ZNF654: variants seen among roughly 807,000 people sequenced by gnomAD.
ZNF654 encodes the protein zinc finger protein 654.
A neutral mutation model predicts 95.3 loss-of-function variants in ZNF654; 19 were observed. That is an observed-to-expected ratio of 0.20 (90% CI 0.14 to 0.29). The LOEUF (loss-of-function observed/expected upper bound fraction) is 0.29. Ranked by LOEUF, ZNF654 falls within the 10% of genes least tolerant of loss-of-function variation. ZNF654 has a pLI of 1.00. For synonymous variants in ZNF654, 413 were observed against 457.9 expected (o/e 0.90, Z 1.25); for missense variants, 1,046 against 1,341.0 (o/e 0.78, Z 3.44).
At chr3:88,092,084 C>T (rs1703773601) in intron 2 of ZNF654, among the ~76,000 whole-genome samples, 3 of 152,092 alleles carry the variant, frequency 2.0e-5, no homozygotes, top group Admixed American at 2.0e-4. Context: ...AGAAGGAAAA[C>T]TTTTTGCATT....
chr3:88,098,270 G>C (rs1051143364), intron 2 of ZNF654, among the ~76,000 whole-genome samples: 4 of 152,094 alleles, frequency 2.6e-5, no homozygotes, highest in South Asian at 2.1e-4. Context: ...ACCCTCCAAA[G>C]ACTAAACCAG....
At chr3:88,107,600 A>T (rs1241783690) in intron 2 of ZNF654, among the ~76,000 whole-genome samples, 2 of 152,076 alleles carry the variant, frequency 1.3e-5, no homozygotes, top group Admixed American at 1.3e-4. Context: ...TTTCCCTTTT[A>T]GAACTATGAT....
intron 3 of ZNF654, among the ~76,000 whole-genome samples, chr3:88,114,743 C>G (rs1705288471): frequency 6.6e-6 from 1 of 152,094 alleles, no homozygotes; most frequent in Non-Finnish European, 1.5e-5. Context: ...ATTTGCTGAC[C>G]TGAGCTTATG....
chr3:88,116,302 C>T (rs542288110), intron 3 of ZNF654, among the ~76,000 whole-genome samples: 1 of 152,094 alleles, frequency 6.6e-6, no homozygotes, highest in South Asian at 2.1e-4. Context: ...GGGCAGATCA[C>T]CTGAGGGTGG....
At chr3:88,072,602 T>C in intron 1 of ZNF654, among the ~76,000 whole-genome samples, 1 of 152,188 alleles carries the variant, frequency 6.6e-6, no homozygotes, top group Middle Eastern at 3.2e-3. Context: ...TAGACTCTTA[T>C]TAGAGAGATA....
At chr3:88,084,211 A>G (rs1290005723) in intron 1 of ZNF654, among the ~76,000 whole-genome samples, 7 of 152,190 alleles carry the variant, frequency 4.6e-5, no homozygotes, top group African/African-American at 1.7e-4. Context: ...AGGAAGCTAT[A>G]ATGAGAACAG....
At chr3:88,129,101 T>C (rs1287344701) in intron 5 of ZNF654, 90 bp downstream of exon 5, 19 of 936,848 alleles carry the variant, frequency 2.0e-5, no homozygotes, top group Non-Finnish European at 2.9e-5. Flanking sequence ...TGTTGTTAAA[T>C]TCCTTTTACA....
At chr3:88,095,397 A>C (rs1703998120) in intron 2 of ZNF654, 1 of 331,462 alleles carries the variant, frequency 3.0e-6, no homozygotes, top group Non-Finnish European at 5.7e-6. Context: ...AGTGACAGGG[A>C]TCACCCCCTT....
intron 1 of ZNF654, among the ~76,000 whole-genome samples, chr3:88,084,635 C>T (rs1026120382): frequency 1.3e-5 from 2 of 152,176 alleles, no homozygotes; most frequent in Non-Finnish European, 2.9e-5. Context: ...GTACCTGGTA[C>T]TGCCATTTGG....
chr3:88,092,398 G>A (rs973287535), intron 2 of ZNF654, among the ~76,000 whole-genome samples: 32 of 152,110 alleles, frequency 2.1e-4, no homozygotes, highest in African/African-American at 7.7e-4. Flanking sequence ...TTATATAATT[G>A]TAGTTAGGAG....
At chr3:88,132,394 C>G (rs966755183) in intron 6 of ZNF654, among the ~76,000 whole-genome samples, 8 of 152,126 alleles carry the variant, frequency 5.3e-5, no homozygotes, top group Non-Finnish European at 1.0e-4. Context: ...GCTGTGTTTT[C>G]TAATGCACAC....
chr3:88,104,011 C>T (rs1458266095), intron 2 of ZNF654, among the ~76,000 whole-genome samples: 3 of 151,990 alleles, frequency 2.0e-5, no homozygotes, highest in Non-Finnish European at 4.4e-5. Context: ...ATCCACCTGC[C>T]TCGGCCTCTG....
At chr3:88,079,540 G>A (rs1406589804) in intron 1 of ZNF654, among the ~76,000 whole-genome samples, 1 of 151,906 alleles carries the variant, frequency 6.6e-6, no homozygotes, top group African/African-American at 2.4e-5. Flanking sequence ...AAAGTTATCT[G>A]TAAAGTTAAG....
intron 3 of ZNF654, among the ~76,000 whole-genome samples, chr3:88,115,322 G>A (rs1435896935): frequency 2.6e-5 from 4 of 152,168 alleles, no homozygotes; most frequent in Non-Finnish European, 4.4e-5. Context: ...CAGCTTTGCT[G>A]CTTACACTGT....
chr3:88,099,876 A>G lies in ZNF654; in HGVS notation c.333-13239A>G, dbSNP rs182395542. Among the ~76,000 whole-genome samples the G allele has an allele frequency of 2.6e-3, 395 of 152,372 alleles. 1 individual carries two copies. Among genetic ancestry groups the G allele is most frequent in the African/African-American group, 8.9e-3 (371 of 41,586 alleles). On this transcript the variant is annotated intron_variant, in intron 2 of 8. Coordinates refer to ENST00000636215, the MANE Select transcript of ZNF654 (RefSeq NM_001350134.2). Reference sequence around the variant, plus strand: ...GACCTAAAACCATAAAAACCCTAGAAGAAAACGTAGGCAATACCATTGAGG... The same window carrying G: ...GACCTAAAACCATAAAAACCCTAGAGGAAAACGTAGGCAATACCATTGAGG...
At chr3:88,120,729 A>G (rs1040289178) in intron 3 of ZNF654, among the ~76,000 whole-genome samples, 5 of 152,180 alleles carry the variant, frequency 3.3e-5, no homozygotes. Flanking sequence ...CTCATACTAT[A>G]TACATTATAA....
intron 2 of ZNF654, among the ~76,000 whole-genome samples, chr3:88,105,002 T>C (rs1328349306): frequency 6.6e-6 from 1 of 152,072 alleles, no homozygotes; most frequent in Non-Finnish European, 1.5e-5. Flanking sequence ...TAGTCAGGTG[T>C]GGTGGCGCGC....
intron 3 of ZNF654, among the ~76,000 whole-genome samples, chr3:88,120,603 A>G (rs1187192787): frequency 6.6e-6 from 1 of 152,184 alleles, no homozygotes; most frequent in Admixed American, 6.5e-5. Flanking sequence ...AAACACAAAT[A>G]TAAAAACAAA....
intron 2 of ZNF654, among the ~76,000 whole-genome samples, chr3:88,104,196 G>A (rs1330607548): frequency 6.6e-6 from 1 of 152,188 alleles, no homozygotes; most frequent in Non-Finnish European, 1.5e-5. Flanking sequence ...CCAGATGCTG[G>A]ACAGAAATTT....
Sources: allele counts gnomAD v4.1 joint callset (sites outside exome capture counted in the v4.1 genomes callset), GRCh38; gene constraint gnomAD v4.1.1; transcripts MANE v1.5; gene names NCBI Gene and HGNC (gene_info 2026-07-23, HGNC 2026-07-21).